The following C11orf54 variants were observed in gnomAD, a reference collection of about 807,000 sequenced individuals.
C11orf54 encodes beta-keto L-gulonate decarboxylase.
In C11orf54, 29 loss-of-function variants were observed where a neutral mutation model predicts 35.5. The observed-to-expected ratio is 0.82, with a 90% CI of 0.61 to 1.11. C11orf54 has a LOEUF of 1.11. C11orf54 is among the 50% of genes most tolerant of loss of function. C11orf54 has a pLI of 0.00. For missense variants in C11orf54, 373 were observed against 369.2 expected, an observed-to-expected ratio of 1.01 and a Z score of -0.08; for synonymous variants, 108 against 121.1, an observed-to-expected ratio of 0.89 and a Z score of 0.71.
At position 93,755,304 on chromosome 11, in the gene C11orf54, T is replaced by G; in HGVS notation, c.425T>G (p.Leu142Arg). The change falls in exon 6 of 9, where the codon CTG becomes CGG. Residue 142 changes from leucine to arginine, a missense_variant. By Grantham distance (102) the Leu-to-Arg change is moderately radical. Coordinates refer to ENST00000354421, the MANE Select transcript of C11orf54 (RefSeq NM_001286069.2). ...AACCCTGCAGATGGAGGGTGCCTACTGGAGAAATACAGTGAGAAATGTCAT... is the reference window on the plus strand; with the variant it reads ...AACCCTGCAGATGGAGGGTGCCTACGGGAGAAATACAGTGAGAAATGTCAT... ...HVNPADGGCL[L>R]EKYSEKCHDF... The G allele has an allele frequency of 6.2e-7, 1 of 1,614,192 alleles. No individual in the cohort carries two copies. The highest frequency in any genetic ancestry group is 1.3e-5 in the African/African-American group (1 of 75,046).
In C11orf54 at chr11:93,763,388, A is replaced by G. The variant is rs1014672739; in HGVS notation, c.*1700A>G. 2 of 152,142 alleles carry G rather than the reference A, an allele frequency of 1.3e-5. No homozygotes were observed. The highest frequency in any genetic ancestry group is 4.8e-5 in the African/African-American group (2 of 41,438). 9.4% of individuals were successfully genotyped at this position (152,142 alleles called of 1,614,324 possible). On this transcript the variant is annotated 3_prime_UTR_variant, in exon 9 of 9. Transcript: ENST00000354421. ...TAGATGGACTGTAAAGGAGGATGCT[A>G]TTTTTTTGTGGCCATCCCGCACTGA...
chr11:93,754,140 C>T, intron 5 of C11orf54, 103 bp downstream of exon 5: 1 of 972,560 alleles, frequency 1.0e-6, no homozygotes, highest in South Asian at 1.4e-5. Flanking sequence ...AATTGTAAAT[C>T]TCTCTGCAGG....
Position 93,762,481 on chromosome 11 carries a change from A to G in C11orf54, c.*793A>G, listed in dbSNP as rs1943522116. On this transcript the variant is annotated 3_prime_UTR_variant, in exon 9 of 9. Transcript: ENST00000354421. ...AGAAGTTTACAATTTGCCTTTCACAAACATTAGCAGTCCGGGCATGGTGGC... is the reference window on the plus strand; with the variant it reads ...AGAAGTTTACAATTTGCCTTTCACAGACATTAGCAGTCCGGGCATGGTGGC... 6.6e-6 allele frequency: 1 copy of G among 152,188 alleles called. No individual in the cohort carries two copies. The highest frequency in any genetic ancestry group is 6.5e-5 in the Admixed American group (1 of 15,274). 9.4% of individuals were successfully genotyped at this position (152,188 alleles called of 1,614,324 possible). A position where few individuals can be genotyped will look rare whatever the true frequency, so the allele number is the denominator to read the frequency against.
At position 93,762,989 on chromosome 11, in the gene C11orf54, T is replaced by C. The variant is rs1345192050; in HGVS notation, c.*1301T>C. ...TAATTTTCAAATAATATTTTTTAAT[T>C]GTCTACTTTGGATGTTAGCTATGTC... On this transcript the variant is annotated 3_prime_UTR_variant, in exon 9 of 9. Coordinates refer to ENST00000354421, the MANE Select transcript of C11orf54 (RefSeq NM_001286069.2). 6.6e-6 allele frequency: 1 copy of C among 152,246 alleles called. No individual in the cohort carries two copies. The highest frequency in any genetic ancestry group is 2.4e-5 in the African/African-American group (1 of 41,464). 9.4% of individuals were successfully genotyped at this position (152,246 alleles called of 1,614,324 possible). A position where few individuals can be genotyped will look rare whatever the true frequency, so the allele number is the denominator to read the frequency against.
chr11:93,755,116 A>G, intron 5 of C11orf54, 94 bp from the exon 6 acceptor site: 2 of 1,270,668 alleles, frequency 1.6e-6, no homozygotes, highest in African/African-American at 1.5e-5. Context: ...TTGAACTAAA[A>G]TGTCTTAAAA....
At chr11:93,744,774 C>T (rs1942352177) in intron 1 of C11orf54, among the ~76,000 whole-genome samples, 2 of 152,208 alleles carry the variant, frequency 1.3e-5, no homozygotes, top group Admixed American at 1.3e-4. Context: ...AAATAAGACA[C>T]AAAGTATAGA....
At chr11:93,742,572 G>C (rs943667453) in intron 1 of C11orf54, 1 of 152,130 alleles carries the variant, frequency 6.6e-6, no homozygotes, top group Non-Finnish European at 1.5e-5. Flanking sequence ...GAATGAACTG[G>C]TTTGATTTTT....
At chr11:93,755,677 C>T (rs746285795) in intron 6 of C11orf54, among the ~76,000 whole-genome samples, 1 of 145,968 alleles carries the variant, frequency 6.9e-6, no homozygotes, top group Non-Finnish European at 1.5e-5. Flanking sequence ...CGCTCAGACT[C>T]GGAAGGCAGA....
intron 2 of C11orf54, among the ~76,000 whole-genome samples, chr11:93,749,650 A>G (rs1466535541): frequency 2.0e-5 from 3 of 152,162 alleles, no homozygotes; most frequent in African/African-American, 4.8e-5. Flanking sequence ...CCTGGTCTCT[A>G]CATATAAAAG....
intron 8 of C11orf54, among the ~76,000 whole-genome samples, chr11:93,761,205 A>C (rs540452880): frequency 2.0e-5 from 3 of 152,354 alleles, no homozygotes; most frequent in Admixed American, 6.5e-5. Flanking sequence ...GTTACATGAA[A>C]AAAAGTTACA....
At chr11:93,757,226 T>G in intron 6 of C11orf54, 90 bp from the exon 7 acceptor site, 1 of 1,391,730 alleles carries the variant, frequency 7.2e-7, no homozygotes, top group East Asian at 2.5e-5. Flanking sequence ...GAACAGAATA[T>G]TTGCTTGATA....
At position 93,763,728 on chromosome 11, in the gene C11orf54, C is replaced by T. The variant is rs1389381897; in HGVS notation, c.*2040C>T. ...CTATGATTGTTTCATTGCACTGTAG[C>T]CTGGGCAACACAGTGAGACCCTGTC... On this transcript the variant is annotated 3_prime_UTR_variant, in exon 9 of 9. Coordinates refer to ENST00000354421, the MANE Select transcript of C11orf54 (RefSeq NM_001286069.2). 1 of 152,262 alleles carries T rather than the reference C, an allele frequency of 6.6e-6. No homozygotes were observed. Among genetic ancestry groups the T allele is most frequent in the Admixed American group, 6.6e-5 (1 of 15,262 alleles). 9.4% of individuals were successfully genotyped at this position (152,262 alleles called of 1,614,324 possible). A position where few individuals can be genotyped will look rare whatever the true frequency, so the allele number is the denominator to read the frequency against.
intron 1 of C11orf54, chr11:93,742,661 T>G (rs566092030): frequency 6.6e-6 from 1 of 152,352 alleles, no homozygotes; most frequent in African/African-American, 2.4e-5. Context: ...TAGTTCACAT[T>G]TTAGGATTGA....
intron 2 of C11orf54, among the ~76,000 whole-genome samples, chr11:93,748,439 T>A (rs1053588981): frequency 6.6e-6 from 1 of 152,136 alleles, no homozygotes; most frequent in African/African-American, 2.4e-5. Flanking sequence ...TGAGCCACCA[T>A]GCTTGGCCAG....
chr11:93,751,688 G>A (rs1031508760), intron 3 of C11orf54, among the ~76,000 whole-genome samples: 3 of 151,992 alleles, frequency 2.0e-5, no homozygotes, highest in African/African-American at 7.2e-5. Context: ...ACAGGCGTGA[G>A]CCACCACGCC....
intron 2 of C11orf54, among the ~76,000 whole-genome samples, chr11:93,748,740 C>T (rs1259631239): frequency 6.6e-6 from 1 of 151,250 alleles, no homozygotes; most frequent in Non-Finnish European, 1.5e-5. Flanking sequence ...GGAGTCTGAG[C>T]TACAAGAATC....
intron 7 of C11orf54, among the ~76,000 whole-genome samples, chr11:93,757,962 T>C (rs1943241282): frequency 6.6e-6 from 1 of 152,268 alleles, no homozygotes. Flanking sequence ...GATAATATCT[T>C]TGTCCATGTT....
chr11:93,747,776 C>G, intron 2 of C11orf54, among the ~76,000 whole-genome samples: 1 of 151,986 alleles, frequency 6.6e-6, no homozygotes, highest in African/African-American at 2.4e-5. Flanking sequence ...CCCAAAGAGT[C>G]GCAAAATTTT....
At chr11:93,749,974 T>C (rs1287706334) in intron 2 of C11orf54, among the ~76,000 whole-genome samples, 1 of 152,228 alleles carries the variant, frequency 6.6e-6, no homozygotes, top group Admixed American at 6.5e-5. Flanking sequence ...GTTCAACATA[T>C]TGTCTGTTAC....
Sources: gnomAD v4.1 joint callset for allele counts (sites outside exome capture counted in the v4.1 genomes callset) on GRCh38, gnomAD v4.1.1 for gene constraint, MANE v1.5 for transcripts, NCBI Gene and HGNC (gene_info 2026-07-23, HGNC 2026-07-21) for gene names.